Variants in DENND1A observed in about 807,000 individuals in gnomAD.
DENND1A encodes DENN domain-containing protein 1A.
A neutral mutation model predicts 113.7 loss-of-function variants in DENND1A; 51 were observed. The ratio of observed to expected loss-of-function variants is 0.45; its 90% CI spans 0.36 to 0.57. The LOEUF (loss-of-function observed/expected upper bound fraction) is 0.57, where lower values mean the gene tolerates loss of function less well. Among genes scored for constraint, DENND1A ranks in the 20% least tolerant of loss-of-function variants. The probability of loss-of-function intolerance (pLI) is 0.00; values close to 1 mark genes in which losing one functional copy is unlikely to be tolerated. For synonymous variants in DENND1A, 565 were observed against 570.8 expected, an observed-to-expected ratio of 0.99 and a Z score of 0.14; for missense variants, 1,258 against 1,395.9, an observed-to-expected ratio of 0.90 and a Z score of 1.57.
At chr9:123,507,025 A>C (rs1237941359) in intron 13 of DENND1A, among the ~76,000 whole-genome samples, 2 of 152,116 alleles carry the variant, frequency 1.3e-5, no homozygotes, top group Admixed American at 6.5e-5. Flanking sequence ...GTCTCTACTA[A>C]AAACAATACA....
At chr9:123,413,905 G>A (rs2044511365) in intron 19 of DENND1A, 7 of 985,528 alleles carry the variant, frequency 7.1e-6, no homozygotes, top group Non-Finnish European at 7.2e-6. Context: ...CCCTCCACCG[G>A]TGCACAGGCT....
intron 1 of DENND1A, among the ~76,000 whole-genome samples, chr9:123,891,390 C>T (rs1849878549): frequency 6.6e-6 from 1 of 152,172 alleles, no homozygotes; most frequent in Admixed American, 6.5e-5. Flanking sequence ...TTTTTTAAAT[C>T]AGATTCCCAG....
intron 1 of DENND1A, among the ~76,000 whole-genome samples, chr9:123,900,740 A>C (rs589299): frequency 0.29 from 44,183 of 152,048 alleles, 10,285 homozygotes; most frequent in African/African-American, 0.65. Flanking sequence ...GCAGTGATAA[A>C]AATACTTACT....
chr9:123,531,477 C>T (rs560636124), intron 13 of DENND1A, among the ~76,000 whole-genome samples: 5 of 150,826 alleles, frequency 3.3e-5, no homozygotes, highest in Admixed American at 1.3e-4. Context: ...GAATTACCAC[C>T]GACCTTTCAC....
intron 11 of DENND1A, among the ~76,000 whole-genome samples, chr9:123,586,618 G>A (rs2136902679): frequency 6.6e-6 from 1 of 152,284 alleles, no homozygotes; most frequent in East Asian, 1.9e-4. Flanking sequence ...TTCCAAAAGG[G>A]CTGGCGTGGA....
chr9:123,734,416 C>T (rs2068408137), intron 5 of DENND1A, among the ~76,000 whole-genome samples: 1 of 151,986 alleles, frequency 6.6e-6, no homozygotes, highest in South Asian at 2.1e-4. Flanking sequence ...AGATCCTGGG[C>T]CATGTGAAAG....
intron 11 of DENND1A, among the ~76,000 whole-genome samples, chr9:123,586,932 A>T (rs1433193915): frequency 1.3e-5 from 2 of 152,044 alleles, no homozygotes; most frequent in Non-Finnish European, 2.9e-5. Flanking sequence ...AGCAGCAGTC[A>T]ACTTTTGAAC....
At chr9:123,715,815 G>T (rs983812568) in intron 5 of DENND1A, among the ~76,000 whole-genome samples, 1 of 152,030 alleles carries the variant, frequency 6.6e-6, no homozygotes, top group African/African-American at 2.4e-5. Context: ...TAGCTGGGAC[G>T]AGAGGCGGCG....
chr9:123,903,035 C>A (rs887746617), intron 1 of DENND1A, among the ~76,000 whole-genome samples: 3 of 151,984 alleles, frequency 2.0e-5, no homozygotes, highest in East Asian at 3.9e-4. Flanking sequence ...TAATTCACTA[C>A]ATAAAACTGG....
At chr9:123,875,389 T>G (rs7028482) in intron 2 of DENND1A, among the ~76,000 whole-genome samples, 25,305 of 152,096 alleles carry the variant, frequency 0.17, 4,081 homozygotes, top group African/African-American at 0.42. Flanking sequence ...TTTAAATATT[T>G]AAAAGTTTTA....
chr9:123,770,996 A>G (rs562481874), intron 3 of DENND1A, among the ~76,000 whole-genome samples: 1 of 152,184 alleles, frequency 6.6e-6, no homozygotes, highest in Non-Finnish European at 1.5e-5. Flanking sequence ...CTATTTTTTA[A>G]TATCATCTTG....
intron 19 of DENND1A, among the ~76,000 whole-genome samples, chr9:123,424,500 C>T (rs765450830): frequency 6.6e-5 from 10 of 152,326 alleles, no homozygotes; most frequent in South Asian, 4.1e-4. Flanking sequence ...GAGCAATGTC[C>T]GTGGGATCAT....
intron 13 of DENND1A, among the ~76,000 whole-genome samples, chr9:123,488,677 T>C (rs2051097209): frequency 1.3e-5 from 2 of 152,066 alleles, no homozygotes; most frequent in South Asian, 4.2e-4. Flanking sequence ...GAACCTCAAA[T>C]CTCCAAAGCA....
chr9:123,665,263 C>G (rs1484626054), intron 8 of DENND1A, among the ~76,000 whole-genome samples: 1 of 152,028 alleles, frequency 6.6e-6, no homozygotes, highest in Admixed American at 6.6e-5. Flanking sequence ...GCTTCTGTTT[C>G]CTTATATTAA....
rs1239341760 is a variant in DENND1A at position 123,382,428 on chromosome 9, G to A, written c.2217C>T (p.Asp739=). ...LALPRRPQNR[D]SILNPSDKEE... is the part of the protein sequence containing the mutation. ...CCTTGTCACTGGGGTTCAGGATGCT[G>A]TCCCGGTTCTGGGGCCTTCGAGGCA... is the stretch of plus-strand genomic sequence containing the variant. The change falls in exon 24 of 24, where the codon GAC becomes GAT. Residue 739 remains aspartate (D), a synonymous_variant. Coordinates refer to ENST00000394215, the MANE Select transcript of DENND1A (RefSeq NM_001352964.2). 5.6e-6 allele frequency: 9 copies of A among 1,608,500 alleles called. No homozygotes were observed. Among genetic ancestry groups the A allele is most frequent in the African/African-American group, 1.3e-5 (1 of 74,848 alleles).
intron 5 of DENND1A, among the ~76,000 whole-genome samples, chr9:123,713,659 A>T (rs754796076): frequency 4.9e-4 from 75 of 152,042 alleles, no homozygotes; most frequent in Non-Finnish European, 8.8e-4. Context: ...AGTTGGGGTA[A>T]ATAACAATGA....
rs893249646 is a variant in DENND1A at position 123,440,496 on chromosome 9, A to T, written c.1357-5T>A. On this transcript the variant is annotated splice_polypyrimidine_tract_variant and splice_region_variant and intron_variant, in intron 18 of 23. Coordinates refer to ENST00000394215, the MANE Select transcript of DENND1A (RefSeq NM_001352964.2). Reference sequence around the variant, plus strand: ...GCAGCCATTCTCGGCAATGTCCTGTAGGGAGAAGGATAGTCAGCGGTTGGC... The same window carrying T: ...GCAGCCATTCTCGGCAATGTCCTGTTGGGAGAAGGATAGTCAGCGGTTGGC... 2 of 1,555,186 alleles carry T rather than the reference A, an allele frequency of 1.3e-6. No individual in the cohort carries two copies. Among genetic ancestry groups the T allele is most frequent in the African/African-American group, 2.9e-5 (2 of 69,830 alleles).
chr9:123,597,446 A>C (rs1241503568), intron 11 of DENND1A, among the ~76,000 whole-genome samples: 1 of 152,196 alleles, frequency 6.6e-6, no homozygotes, highest in Admixed American at 6.5e-5. Flanking sequence ...TGTCCTACCC[A>C]CGAGCCTAGG....
intron 19 of DENND1A, among the ~76,000 whole-genome samples, chr9:123,438,346 T>A (rs1237321552): frequency 6.6e-6 from 1 of 152,228 alleles, no homozygotes; most frequent in Non-Finnish European, 1.5e-5. Context: ...GGGGCCGGCA[T>A]AAGTGAGCTA....
Sources: allele counts gnomAD v4.1 joint callset (sites outside exome capture counted in the v4.1 genomes callset), GRCh38; gene constraint gnomAD v4.1.1; transcripts MANE v1.5; gene names NCBI Gene and HGNC (gene_info 2026-07-23, HGNC 2026-07-21).